Variants in MECOM observed in about 807,000 individuals in gnomAD.
MECOM encodes the protein MDS1 and EVI1 complex locus.
Under a neutral mutation model 116.3 loss-of-function variants are expected in MECOM, and 13 were observed. The observed-to-expected ratio is 0.11, with a 90% CI of 0.07 to 0.18. The LOEUF is 0.18. Ranked by LOEUF, MECOM falls within the 10% of genes least tolerant of loss-of-function variation. MECOM has a pLI of 1.00. For synonymous variants in MECOM, 528 were observed against 535.2 expected, an observed-to-expected ratio of 0.99 and a Z score of 0.19; for missense variants, 1,299 against 1,509.0, an observed-to-expected ratio of 0.86 and a Z score of 2.31.
At chr3:169,145,105 A>T in intron 2 of MECOM, 1 of 1,354,112 alleles carries the variant, frequency 7.4e-7, no homozygotes, top group Middle Eastern at 1.8e-4. Context: ...CCCAAAATTT[A>T]AAAAAGAAAA....
chr3:169,536,977 C>T (rs1759446360), intron 1 of MECOM, among the ~76,000 whole-genome samples: 1 of 152,016 alleles, frequency 6.6e-6, no homozygotes, highest in Non-Finnish European at 1.5e-5. Context: ...TTGCTAGCAC[C>T]CAAGGCCCCA....
At chr3:169,516,699 AT>A (rs1306259340) in intron 1 of MECOM, among the ~76,000 whole-genome samples, 1 of 152,082 alleles carries the variant, frequency 6.6e-6, no homozygotes, top group Non-Finnish European at 1.5e-5. Context: ...TCTGCTATAG[AT>A]TCTCTTCCAT....
intron 1 of MECOM, among the ~76,000 whole-genome samples, chr3:169,438,646 A>G (rs568367110): frequency 2.0e-5 from 3 of 152,284 alleles, no homozygotes; most frequent in Admixed American, 1.3e-4. Context: ...TTTGGAAGTC[A>G]CGTGAATATG....
At chr3:169,460,272 G>A (rs760521340) in intron 1 of MECOM, among the ~76,000 whole-genome samples, 4 of 151,944 alleles carry the variant, frequency 2.6e-5, no homozygotes, top group Non-Finnish European at 5.9e-5. Flanking sequence ...TAGTGAATGG[G>A]CCCTCTCTTC....
intron 1 of MECOM, among the ~76,000 whole-genome samples, chr3:169,402,713 C>T (rs1560228011): frequency 6.6e-6 from 1 of 152,090 alleles, no homozygotes; most frequent in Admixed American, 6.6e-5. Context: ...ATCGTGCAGA[C>T]TCTTAAGGAA....
intron 2 of MECOM, among the ~76,000 whole-genome samples, chr3:169,305,425 A>G (rs560242152): frequency 6.6e-6 from 1 of 152,332 alleles, no homozygotes; most frequent in South Asian, 2.1e-4. Flanking sequence ...TGGAAAAAAA[A>G]TCCCAACACA....
chr3:169,546,001 T>G (rs1476844969), intron 1 of MECOM, among the ~76,000 whole-genome samples: 1 of 152,176 alleles, frequency 6.6e-6, no homozygotes, highest in Non-Finnish European at 1.5e-5. Context: ...TAAAGCTTCA[T>G]GTAAAGGAAG....
Position 169,580,031 on chromosome 3 carries a change from T to G in MECOM, c.37+83305A>C, listed in dbSNP as rs569633838. ...TGAGCAACTCGTCACCTGCTAGGAATCTGCAAAGATATTACCCTGAAGTCC... is the reference window on the plus strand; with the variant it reads ...TGAGCAACTCGTCACCTGCTAGGAAGCTGCAAAGATATTACCCTGAAGTCC... On this transcript the variant is annotated intron_variant, in intron 1 of 16. Coordinates refer to ENST00000651503, the MANE Select transcript of MECOM (RefSeq NM_004991.4). Among the ~76,000 whole-genome samples, 55 of 152,316 alleles carry G rather than the reference T, an allele frequency of 3.6e-4. No homozygotes were observed. In the South Asian group the frequency reaches 7.7e-3, roughly 21 times the overall value.
chr3:169,385,302 C>T (rs1351084984), intron 1 of MECOM, among the ~76,000 whole-genome samples: 1 of 152,052 alleles, frequency 6.6e-6, no homozygotes, highest in Non-Finnish European at 1.5e-5. Context: ...AATTTAAAGC[C>T]TGAATGCAAT....
chr3:169,182,591 T>G (rs1425315899), intron 2 of MECOM, among the ~76,000 whole-genome samples: 2 of 152,314 alleles, frequency 1.3e-5, no homozygotes, highest in East Asian at 3.9e-4. Context: ...GGCACAGAGA[T>G]TAAGCACATG....
intron 1 of MECOM, chr3:169,389,433 T>G: frequency 1.3e-5 from 5 of 379,354 alleles, no homozygotes; most frequent in Non-Finnish European, 1.5e-5. Flanking sequence ...CAATATCCAC[T>G]GGAATGACCA....
intron 1 of MECOM, among the ~76,000 whole-genome samples, chr3:169,478,061 G>A (rs1750755259): frequency 6.6e-6 from 1 of 152,154 alleles, no homozygotes; most frequent in African/African-American, 2.4e-5. Context: ...AGCAAACTGA[G>A]AATGAAAGAC....
At chr3:169,152,328 C>T (rs1482700825) in intron 2 of MECOM, among the ~76,000 whole-genome samples, 2 of 151,938 alleles carry the variant, frequency 1.3e-5, no homozygotes, top group African/African-American at 2.4e-5. Context: ...AAAAATTTCC[C>T]TTGGTCTGGA....
chr3:169,141,733 G>T (rs913862688), intron 3 of MECOM, among the ~76,000 whole-genome samples: 2 of 151,902 alleles, frequency 1.3e-5, no homozygotes, highest in African/African-American at 2.4e-5. Flanking sequence ...ACATCTACAC[G>T]TATCATACAA....
At chr3:169,518,504 G>T (rs149483721) in intron 1 of MECOM, among the ~76,000 whole-genome samples, 1 of 152,152 alleles carries the variant, frequency 6.6e-6, no homozygotes, top group African/African-American at 2.4e-5. Flanking sequence ...TAAGAATCAT[G>T]GTAGCCAATG....
intron 16 of MECOM, chr3:169,086,514 T>C (rs1051728494): frequency 1.4e-6 from 1 of 698,754 alleles, no homozygotes; most frequent in Non-Finnish European, 2.6e-6. Flanking sequence ...TCTACTCACC[T>C]AGCTGTGTGA....
chr3:169,396,982 TA>T (rs1560220722), intron 1 of MECOM, among the ~76,000 whole-genome samples: 1 of 151,836 alleles, frequency 6.6e-6, no homozygotes, highest in African/African-American at 2.4e-5. Flanking sequence ...CAAAAAAAAA[TA>T]AATAAATAAG....
chr3:169,330,105 A>G (rs1722488839), intron 2 of MECOM, among the ~76,000 whole-genome samples: 1 of 152,086 alleles, frequency 6.6e-6, no homozygotes, highest in South Asian at 2.1e-4. Context: ...AGCTCTCTGT[A>G]GCCTTGACCT....
At position 169,433,693 on chromosome 3, in the gene MECOM, A is replaced by AAGAAAG. The variant is rs1553851699; in HGVS notation, c.38-52175_38-52170dup. Among the ~76,000 whole-genome samples, 1,003 of 136,468 alleles carry AAGAAAG rather than the reference A, an allele frequency of 7.3e-3. 4 individuals carry two copies. The highest frequency in any genetic ancestry group is 0.012 in the African/African-American group (445 of 37,140). 89.5% of individuals were successfully genotyped at this position (136,468 alleles called of 152,430 possible). ...AGAAAGAAAGAAAGAAAGAAAGAGA[A>AAGAAAG]AGAAAGAAAAGAAAGAAAGAAAATT... On this transcript the variant is annotated intron_variant, in intron 1 of 16. Transcript: ENST00000651503.
Sources: gnomAD v4.1 joint callset for allele counts (sites outside exome capture counted in the v4.1 genomes callset) on GRCh38, gnomAD v4.1.1 for gene constraint, MANE v1.5 for transcripts, NCBI Gene and HGNC (gene_info 2026-07-23, HGNC 2026-07-21) for gene names.